Variants in CNBD1 observed in about 807,000 individuals in gnomAD.
CNBD1 encodes the protein cyclic nucleotide-binding domain-containing protein 1.
In CNBD1, 71 loss-of-function variants were observed where a neutral mutation model predicts 54.4. The ratio of observed to expected loss-of-function variants is 1.30; its 90% confidence interval spans 1.08 to 1.59. CNBD1 has a LOEUF of 1.59. Ranked by LOEUF, CNBD1 falls within the 40% of genes most tolerant of loss-of-function variation. The pLI is 0.00. For missense variants in CNBD1, 659 were observed against 518.0 expected, an observed-to-expected ratio of 1.27 and a Z score of -2.64; for synonymous variants, 182 against 170.7, an observed-to-expected ratio of 1.07 and a Z score of -0.51.
At chr8:86,938,474 T>C (rs1809590454) in intron 3 of CNBD1, among the ~76,000 whole-genome samples, 1 of 152,218 alleles carries the variant, frequency 6.6e-6, no homozygotes, top group South Asian at 2.1e-4. Context: ...GAAAGAGGTT[T>C]AATAGACTCA....
intron 4 of CNBD1, among the ~76,000 whole-genome samples, chr8:87,067,138 A>T (rs1810670699): frequency 6.6e-6 from 1 of 152,010 alleles, no homozygotes; most frequent in South Asian, 2.1e-4. Flanking sequence ...ATAATGATGC[A>T]CTTGAGAGCT....
chr8:86,971,656 T>C (rs927768529), intron 4 of CNBD1, among the ~76,000 whole-genome samples: 11 of 152,062 alleles, frequency 7.2e-5, no homozygotes, highest in African/African-American at 2.4e-4. Context: ...TTCCATAGAG[T>C]TTCTATACTT....
chr8:87,204,734 G>A (rs1813933559), intron 4 of CNBD1, among the ~76,000 whole-genome samples: 1 of 152,014 alleles, frequency 6.6e-6, no homozygotes, highest in Admixed American at 6.6e-5. Context: ...AACAAAAAAA[G>A]AAAAACCTCT....
chr8:86,969,359 G>A (rs1808167833), intron 4 of CNBD1, among the ~76,000 whole-genome samples: 1 of 152,074 alleles, frequency 6.6e-6, no homozygotes, highest in Admixed American at 6.6e-5. Context: ...TTTCTATTCT[G>A]TTATTTCCCC....
chr8:87,077,423 T>TC (rs1230898805), intron 4 of CNBD1, among the ~76,000 whole-genome samples: 1 of 151,048 alleles, frequency 6.6e-6, no homozygotes, highest in Non-Finnish European at 1.5e-5. Context: ...TTTTTTTTTT[T>TC]TTTTTTTATT....
intron 6 of CNBD1, among the ~76,000 whole-genome samples, chr8:87,275,438 G>T (rs531491615): frequency 1.5e-4 from 23 of 151,784 alleles, no homozygotes; most frequent in African/African-American, 3.6e-4. Flanking sequence ...GTTTGTATCC[G>T]CTTTTATTTC....
intron 4 of CNBD1, among the ~76,000 whole-genome samples, chr8:87,073,074 T>C (rs1810792458): frequency 6.6e-6 from 1 of 151,974 alleles, no homozygotes; most frequent in South Asian, 2.1e-4. Context: ...GTCTTCAAGT[T>C]CTGCGATTCC....
chr8:87,256,254 C>T (rs1267368668), intron 6 of CNBD1, among the ~76,000 whole-genome samples: 1 of 150,936 alleles, frequency 6.6e-6, no homozygotes, highest in Non-Finnish European at 1.5e-5. Context: ...AGCTCCTGGC[C>T]TCAGTGATCC....
At chr8:87,374,277 A>T (rs1810879743) in intron 10 of CNBD1, among the ~76,000 whole-genome samples, 1 of 151,804 alleles carries the variant, frequency 6.6e-6, no homozygotes, top group South Asian at 2.1e-4. Flanking sequence ...TATTTCTGAT[A>T]TCAAATCCTT....
intron 10 of CNBD1, among the ~76,000 whole-genome samples, chr8:87,378,439 G>A (rs1197078416): frequency 6.6e-6 from 1 of 150,940 alleles, no homozygotes; most frequent in Middle Eastern, 3.4e-3. Context: ...GTTTTTCTCA[G>A]GTTTTTCAAA....
chr8:87,284,434 T>C (rs569032381), intron 6 of CNBD1, among the ~76,000 whole-genome samples: 15 of 152,304 alleles, frequency 9.8e-5, no homozygotes, highest in African/African-American at 3.6e-4. Context: ...AATAGGCACT[T>C]TAAATCACTG....
downstream of CNBD1, among the ~76,000 whole-genome samples, chr8:87,383,602 A>C (rs1346632988): frequency 1.3e-5 from 2 of 151,988 alleles, no homozygotes; most frequent in Non-Finnish European, 2.9e-5. Flanking sequence ...TAATTCTTAC[A>C]CTATTAATGT....
intron 4 of CNBD1, among the ~76,000 whole-genome samples, chr8:86,985,946 C>T (rs543890228): frequency 1.2e-4 from 18 of 151,912 alleles, no homozygotes; most frequent in African/African-American, 4.3e-4. Flanking sequence ...TTGTTTTTTC[C>T]TGAGATGGGA....
intron 4 of CNBD1, among the ~76,000 whole-genome samples, chr8:87,111,959 C>A (rs990916268): frequency 6.6e-6 from 1 of 152,186 alleles, no homozygotes; most frequent in African/African-American, 2.4e-5. Flanking sequence ...CTACAGAGCA[C>A]GTACAACTAC....
At chr8:87,090,051 T>C (rs936080422) in intron 4 of CNBD1, among the ~76,000 whole-genome samples, 5 of 152,136 alleles carry the variant, frequency 3.3e-5, no homozygotes, top group African/African-American at 9.6e-5. Context: ...TACTTAGTTC[T>C]TCTGGCACAC....
chr8:86,952,012 A>G (rs1051340365), intron 4 of CNBD1, among the ~76,000 whole-genome samples: 2 of 152,204 alleles, frequency 1.3e-5, no homozygotes, highest in Non-Finnish European at 2.9e-5. Context: ...TTGCTCACTG[A>G]GATAAATGCA....
chr8:87,424,671 G>A (rs1004380191), intron 2 of CNBD1, among the ~76,000 whole-genome samples: 2 of 152,076 alleles, frequency 1.3e-5, no homozygotes, highest in African/African-American at 2.4e-5. Flanking sequence ...TGGCTTGTAC[G>A]GTTTCTGCCA....
intron 4 of CNBD1, among the ~76,000 whole-genome samples, chr8:87,170,478 G>A (rs1019445145): frequency 3.3e-5 from 5 of 152,072 alleles, no homozygotes; most frequent in Non-Finnish European, 7.4e-5. Flanking sequence ...GGTGAAAGTG[G>A]GGATTCTTGT....
chr8:87,365,702 A>G (rs1810628975), intron 10 of CNBD1, among the ~76,000 whole-genome samples: 1 of 152,088 alleles, frequency 6.6e-6, no homozygotes, highest in South Asian at 2.1e-4. Context: ...AATTTTAAGT[A>G]TGATAACTTT....
Sources: allele counts gnomAD v4.1 joint callset (sites outside exome capture counted in the v4.1 genomes callset), GRCh38; gene constraint gnomAD v4.1.1; transcripts MANE v1.5; gene names NCBI Gene and HGNC (gene_info 2026-07-23, HGNC 2026-07-21).